ERBIN: variants seen among roughly 807,000 people sequenced by gnomAD.
The protein encoded by ERBIN is erbb2 interacting protein, also known as densin-180-like protein.
A neutral mutation model predicts 158.4 loss-of-function variants in ERBIN; 60 were observed. That is an observed-to-expected ratio of 0.38 (90% CI 0.31 to 0.47). The LOEUF (loss-of-function observed/expected upper bound fraction) is 0.47, where lower values mean the gene tolerates loss of function less well. Ranked by LOEUF, ERBIN falls within the 20% of genes least tolerant of loss-of-function variation. The probability of loss-of-function intolerance (pLI) is 0.99; values close to 1 mark genes in which losing one functional copy is unlikely to be tolerated. For synonymous variants in ERBIN, 594 were observed against 557.2 expected (o/e 1.07, Z -0.93); for missense variants, 1,610 against 1,648.0 (o/e 0.98, Z 0.40).
chr5:66,040,800 A>G (rs1262117455), intron 15 of ERBIN, among the ~76,000 whole-genome samples: 1 of 151,726 alleles, frequency 6.6e-6, no homozygotes, highest in Non-Finnish European at 1.5e-5. Flanking sequence ...AGAGCTAAGT[A>G]AAGGCAAAAA....
intron 20 of ERBIN, among the ~76,000 whole-genome samples, 157 bp downstream of exon 20, chr5:66,051,123 G>GT (rs1195272746): frequency 6.6e-6 from 1 of 151,904 alleles, no homozygotes; most frequent in Non-Finnish European, 1.5e-5. Flanking sequence ...TTTCCATTTA[G>GT]TTTTTATACA....
chr5:66,036,428 T>G (rs1757402571), intron 14 of ERBIN, among the ~76,000 whole-genome samples: 1 of 152,224 alleles, frequency 6.6e-6, no homozygotes, highest in Non-Finnish European at 1.5e-5. Context: ...TTCTGCTTTC[T>G]TGGAACATTC....
chr5:66,030,221 T>C (rs981960270), intron 14 of ERBIN, among the ~76,000 whole-genome samples: 1 of 151,046 alleles, frequency 6.6e-6, no homozygotes, highest in African/African-American at 2.4e-5. Context: ...GTATTTTTTT[T>C]AGTAGAGATG....
At chr5:65,938,860 T>G (rs1327647714) in intron 1 of ERBIN, among the ~76,000 whole-genome samples, 4 of 152,236 alleles carry the variant, frequency 2.6e-5, no homozygotes, top group Middle Eastern at 3.4e-3. Flanking sequence ...CAGGACTGAT[T>G]CTTTTAAGTA....
At chr5:65,940,461 A>G (rs1300410891) in intron 1 of ERBIN, among the ~76,000 whole-genome samples, 37 of 41,054 alleles carry the variant, frequency 9.0e-4, no homozygotes, top group Admixed American at 1.4e-3. Context: ...TCCGGGAGGG[A>G]GGTGGGGGGG....
rs1561457532 is a variant in ERBIN at position 66,072,167 on chromosome 5, A to G, written c.3634-2A>G. On this transcript the variant is annotated splice_acceptor_variant, in intron 21 of 25. Coordinates refer to ENST00000284037, the MANE Select transcript of ERBIN (RefSeq NM_001253697.2). LOFTEE classifies it high-confidence loss of function. ...GTTTACTTTTTATTTCCTGCTCATT[A>G]GAAGCATCCCCAGACATCCAGTTCA... 3.9e-6 allele frequency: 6 copies of G among 1,548,904 alleles called. No homozygotes were observed. The highest frequency in any genetic ancestry group is 5.2e-6 in the Non-Finnish European group (6 of 1,146,276).
chr5:65,936,163 G>T (rs796508391), intron 1 of ERBIN, among the ~76,000 whole-genome samples: 5 of 152,088 alleles, frequency 3.3e-5, no homozygotes, highest in Non-Finnish European at 5.9e-5. Context: ...TCTGATGGAG[G>T]GGGGGTGGGG....
intron 1 of ERBIN, among the ~76,000 whole-genome samples, chr5:65,981,292 G>C (rs1475977857): frequency 6.6e-6 from 1 of 152,090 alleles, no homozygotes; most frequent in Non-Finnish European, 1.5e-5. Flanking sequence ...TATTAAAGTA[G>C]TACTCAGATA....
chr5:65,951,924 T>A (rs940542768), intron 1 of ERBIN, among the ~76,000 whole-genome samples: 1 of 152,236 alleles, frequency 6.6e-6, no homozygotes, highest in African/African-American at 2.4e-5. Flanking sequence ...GTTAATTTTC[T>A]TGTCTTTCTC....
chr5:66,018,506 T>TTATAA (rs1755150450), intron 7 of ERBIN, among the ~76,000 whole-genome samples: 4 of 5,594 alleles, frequency 7.2e-4, no homozygotes, highest in East Asian at 4.1e-3. Flanking sequence ...ATAATATATA[T>TTATAA]TATATATTAT....
chr5:66,060,736 T>G (rs886433282), intron 21 of ERBIN, among the ~76,000 whole-genome samples: 1 of 151,946 alleles, frequency 6.6e-6, no homozygotes, highest in Non-Finnish European at 1.5e-5. Context: ...TCTGGTATGT[T>G]GTGTCTTTAT....
chr5:65,954,128 G>T (rs1463007911), intron 1 of ERBIN, among the ~76,000 whole-genome samples: 2 of 152,164 alleles, frequency 1.3e-5, no homozygotes, highest in African/African-American at 4.8e-5. Context: ...GAGGGAATCA[G>T]CTTGTCTTTG....
intron 4 of ERBIN, among the ~76,000 whole-genome samples, chr5:66,010,199 G>T (rs1754059319): frequency 6.6e-6 from 1 of 152,002 alleles, no homozygotes; most frequent in Non-Finnish European, 1.5e-5. Flanking sequence ...TGATAGTTTT[G>T]AAAGTTATTG....
chr5:66,044,124 T>A lies in ERBIN; in HGVS notation c.1429-13T>A, dbSNP rs1262599485. The A allele has an allele frequency of 2.6e-6, 4 of 1,519,450 alleles. No individual in the cohort carries two copies. Among genetic ancestry groups the A allele is most frequent in the Non-Finnish European group, 3.5e-6 (4 of 1,136,890 alleles). The allele number at this position is 1,519,450 out of a possible 1,614,324, so 94.1% of individuals were successfully genotyped here. On this transcript the variant is annotated splice_polypyrimidine_tract_variant and intron_variant, in intron 16 of 25. Coordinates refer to ENST00000284037, the MANE Select transcript of ERBIN (RefSeq NM_001253697.2). ...TATTTGTACTTCATATTTTACTTATTTTATTTCTCTAGGAGGGAAATTTAA... is the reference window on the plus strand; with the variant it reads ...TATTTGTACTTCATATTTTACTTATATTATTTCTCTAGGAGGGAAATTTAA...
chr5:65,988,318 A>T (rs538552683), intron 1 of ERBIN, among the ~76,000 whole-genome samples: 14 of 152,078 alleles, frequency 9.2e-5, no homozygotes, highest in African/African-American at 2.2e-4. Flanking sequence ...GGCCGCAGTC[A>T]GTCATGTTTG....
At chr5:66,029,552 G>A (rs920309624) in intron 14 of ERBIN, among the ~76,000 whole-genome samples, 2 of 140,648 alleles carry the variant, frequency 1.4e-5, no homozygotes, top group Non-Finnish European at 2.9e-5. Flanking sequence ...ACCCTTTTCT[G>A]TTCTGTTCTG....
chr5:65,967,902 G>A (rs1748840555), intron 1 of ERBIN, among the ~76,000 whole-genome samples: 1 of 152,166 alleles, frequency 6.6e-6, no homozygotes, highest in Admixed American at 6.5e-5. Context: ...GAGCACCTGC[G>A]TGTGACTTCT....
chr5:65,978,698 G>A (rs1158490237), intron 1 of ERBIN, among the ~76,000 whole-genome samples: 1 of 152,154 alleles, frequency 6.6e-6, no homozygotes, highest in Non-Finnish European at 1.5e-5. Flanking sequence ...TGGGCTTTAG[G>A]GAAGATGTGG....
intron 21 of ERBIN, chr5:66,068,979 A>T: frequency 6.5e-7 from 1 of 1,535,454 alleles, no homozygotes; most frequent in Non-Finnish European, 8.7e-7. Flanking sequence ...TCTTGCCTTG[A>T]GTGTTGCAGA....
Sources: gnomAD v4.1 joint callset for allele counts (sites outside exome capture counted in the v4.1 genomes callset) on GRCh38, gnomAD v4.1.1 for gene constraint, MANE v1.5 for transcripts, NCBI Gene and HGNC (gene_info 2026-07-23, HGNC 2026-07-21) for gene names.